The following PRKG1 variants were observed in gnomAD, a reference collection of about 807,000 sequenced individuals.
PRKG1 encodes the protein protein kinase cGMP-dependent 1, also known as cGMP-dependent protein kinase 1.
PRKG1 carries 35 observed loss-of-function variants against 88.1 expected under a neutral mutation model. That is an observed-to-expected ratio of 0.40 (90% CI 0.30 to 0.53). The LOEUF is 0.53. Ranked by LOEUF, PRKG1 falls within the 20% of genes least tolerant of loss-of-function variation. PRKG1 has a pLI of 0.59. For synonymous variants in PRKG1, 303 were observed against 292.5 expected (o/e 1.04, Z -0.37); for missense variants, 540 against 839.8 (o/e 0.64, Z 4.41).
intron 1 of PRKG1, among the ~76,000 whole-genome samples, chr10:51,001,632 T>G (rs1398748905): frequency 1.3e-5 from 2 of 152,198 alleles, no homozygotes; most frequent in African/African-American, 4.8e-5. Flanking sequence ...ACATCCACTT[T>G]TCTTTCTAGA....
chr10:51,195,938 T>A (rs1266568741), intron 2 of PRKG1, among the ~76,000 whole-genome samples: 1 of 152,190 alleles, frequency 6.6e-6, no homozygotes, highest in African/African-American at 2.4e-5. Flanking sequence ...TATGTTTAAG[T>A]CTGGGTTGGG....
rs528272757 is a variant in PRKG1 at position 51,336,010 on chromosome 10, G to A, written c.479-131713G>A. 2.6e-5 allele frequency among the ~76,000 whole-genome samples: 4 copies of A among 152,260 alleles called. No homozygotes were observed. The South Asian group carries it at 6.2e-4, about 24-fold the overall frequency. ...CTCATAAGTTAGCCAAGATATGTTT[G>A]AAATAAAAAGTAGGAAAGAATGTTA... On this transcript the variant is annotated intron_variant, in intron 2 of 17. Transcript: ENST00000373980.
intron 3 of PRKG1, chr10:51,697,561 G>A: frequency 1.1e-5 from 9 of 852,520 alleles, no homozygotes; most frequent in Admixed American, 2.9e-5. Context: ...GAAAGAAAAA[G>A]AACAAAAAAT....
chr10:50,999,255 T>A (rs941747836), intron 1 of PRKG1, among the ~76,000 whole-genome samples: 5 of 152,222 alleles, frequency 3.3e-5, no homozygotes, highest in African/African-American at 4.8e-5. Flanking sequence ...AGGATTTGAT[T>A]TGGATTGATT....
intron 8 of PRKG1, among the ~76,000 whole-genome samples, chr10:52,148,532 AAAG>A (rs1197547360): frequency 2.0e-5 from 3 of 152,212 alleles, no homozygotes; most frequent in African/African-American, 7.2e-5. Flanking sequence ...AAAAAAAGGC[AAAG>A]GACACAATTT....
chr10:51,779,995 G>A (rs768796963), intron 3 of PRKG1, among the ~76,000 whole-genome samples: 1 of 152,142 alleles, frequency 6.6e-6, no homozygotes, highest in Admixed American at 6.6e-5. Flanking sequence ...GCTAAAGTGA[G>A]CCTGGTTTTG....
Position 52,226,891 on chromosome 10 carries a change from G to A in PRKG1, c.1077-24679G>A, listed in dbSNP as rs115462374. ...TTTATTCCTGAATTCCTTTGAAAAT[G>A]TGCAGATGCTATTAAATATCCATAG... On this transcript the variant is annotated intron_variant, in intron 9 of 17. Transcript: ENST00000373980. Among the ~76,000 whole-genome samples the A allele has an allele frequency of 7.2e-3, 1,099 of 152,230 alleles. 13 individuals carry two copies. The highest frequency in any genetic ancestry group is 0.025 in the African/African-American group (1,038 of 41,544).
At chr10:51,764,032 G>A (rs1838092564) in intron 3 of PRKG1, among the ~76,000 whole-genome samples, 1 of 152,076 alleles carries the variant, frequency 6.6e-6, no homozygotes, top group Non-Finnish European at 1.5e-5. Flanking sequence ...ATCTCTTAAA[G>A]GCTCCATCTC....
intron 9 of PRKG1, among the ~76,000 whole-genome samples, chr10:52,184,469 TA>T (rs1469825452): frequency 6.6e-6 from 1 of 152,236 alleles, no homozygotes; most frequent in Non-Finnish European, 1.5e-5. Context: ...TAAACATTTC[TA>T]AATTAATCTA....
At chr10:51,477,281 A>G (rs1328636632) in intron 3 of PRKG1, among the ~76,000 whole-genome samples, 20 of 150,620 alleles carry the variant, frequency 1.3e-4, no homozygotes, top group Non-Finnish European at 1.5e-5. Flanking sequence ...TCTAGTTGGA[A>G]AGAAAGGAAA....
chr10:51,528,750 G>T (rs1841945119), intron 3 of PRKG1, among the ~76,000 whole-genome samples: 1 of 152,110 alleles, frequency 6.6e-6, no homozygotes, highest in African/African-American at 2.4e-5. Context: ...CATTAACCAT[G>T]CAGAGGACAG....
intron 3 of PRKG1, among the ~76,000 whole-genome samples, chr10:51,650,937 A>G (rs965531217): frequency 9.9e-5 from 15 of 152,104 alleles, no homozygotes; most frequent in African/African-American, 3.4e-4. Context: ...CTCGTTTTAC[A>G]TTTGTAGTTC....
At chr10:51,251,104 A>C (rs374618218) in intron 2 of PRKG1, among the ~76,000 whole-genome samples, 2 of 151,936 alleles carry the variant, frequency 1.3e-5, no homozygotes, top group East Asian at 3.9e-4. Context: ...ACATGAACCC[A>C]TGTGTTCCAC....
intron 8 of PRKG1, among the ~76,000 whole-genome samples, chr10:52,143,784 C>A (rs1035087307): frequency 1.6e-4 from 25 of 152,284 alleles, no homozygotes; most frequent in Admixed American, 5.9e-4. Flanking sequence ...CAGTGCCAGT[C>A]AACCCGATCC....
chr10:52,021,478 G>T (rs1442258961), intron 5 of PRKG1, among the ~76,000 whole-genome samples: 1 of 152,150 alleles, frequency 6.6e-6, no homozygotes, highest in African/African-American at 2.4e-5. Context: ...AAATAAGGTA[G>T]ATCTCTATGT....
intron 4 of PRKG1, among the ~76,000 whole-genome samples, chr10:51,867,363 G>T (rs940785990): frequency 6.6e-6 from 1 of 152,250 alleles, no homozygotes; most frequent in Admixed American, 6.5e-5. Flanking sequence ...AGCAGGCAAA[G>T]GATGTGGTTG....
chr10:52,089,323 A>G (rs1846993175), intron 7 of PRKG1, among the ~76,000 whole-genome samples: 1 of 152,164 alleles, frequency 6.6e-6, no homozygotes, highest in Admixed American at 6.5e-5. Flanking sequence ...TGCATTTTAT[A>G]ATTTTTTGTT....
chr10:51,456,786 T>C (rs2132786149), intron 2 of PRKG1, among the ~76,000 whole-genome samples: 1 of 152,158 alleles, frequency 6.6e-6, no homozygotes, highest in East Asian at 1.9e-4. Flanking sequence ...AGGACATGAA[T>C]AAACAATTCT....
intron 9 of PRKG1, among the ~76,000 whole-genome samples, chr10:52,166,795 A>ATATATATATATGTG (rs1319112349): frequency 4.2e-5 from 1 of 23,662 alleles, no homozygotes. Flanking sequence ...GCCTATATAT[A>ATATATATATATGTG]TACATATATA....
Sources: allele counts gnomAD v4.1 joint callset (sites outside exome capture counted in the v4.1 genomes callset), GRCh38; gene constraint gnomAD v4.1.1; transcripts MANE v1.5; gene names NCBI Gene and HGNC (gene_info 2026-07-23, HGNC 2026-07-21).